Variants in STARD13 observed in about 807,000 individuals in gnomAD.
STARD13 encodes StAR related lipid transfer domain containing 13.
In STARD13, 62 loss-of-function variants were observed where a neutral mutation model predicts 106.4. The ratio of observed to expected loss-of-function variants is 0.58; its 90% CI spans 0.48 to 0.72. The LOEUF is 0.72. Among genes scored for constraint, STARD13 ranks in the 30% least tolerant of loss-of-function variants. The pLI is 0.00. For missense variants in STARD13, 1,387 were observed against 1,424.0 expected, an observed-to-expected ratio of 0.97 and a Z score of 0.42; for synonymous variants, 565 against 553.0, an observed-to-expected ratio of 1.02 and a Z score of -0.31.
At chr13:33,302,975 T>C (rs1166243671) in intron 1 of STARD13, among the ~76,000 whole-genome samples, 1 of 152,202 alleles carries the variant, frequency 6.6e-6, no homozygotes, top group African/African-American at 2.4e-5. Flanking sequence ...ATGGTAGCCT[T>C]TCTTGTTGTC....
intron 1 of STARD13, among the ~76,000 whole-genome samples, chr13:33,285,080 A>G (rs917353033): frequency 5.9e-5 from 9 of 152,180 alleles, no homozygotes; most frequent in Non-Finnish European, 1.3e-4. Flanking sequence ...CAGGGTGGAC[A>G]TTAGTCCCTC....
At chr13:33,159,842 CTAAA>C (rs1334391517) in intron 3 of STARD13, among the ~76,000 whole-genome samples, 1 of 152,010 alleles carries the variant, frequency 6.6e-6, no homozygotes, top group Non-Finnish European at 1.5e-5. Context: ...CAAAGGAGAC[CTAAA>C]TAGAGACATA....
At chr13:33,499,197 TC>T in the STARD13 span, among the ~76,000 whole-genome samples, 1 of 152,168 alleles carries the variant, frequency 6.6e-6, no homozygotes, top group South Asian at 2.1e-4. Flanking sequence ...AGAGTGAGCC[TC>T]AGAAATTATT....
At chr13:33,615,930 T>A in the STARD13 span, among the ~76,000 whole-genome samples, 1 of 152,352 alleles carries the variant, frequency 6.6e-6, no homozygotes, top group African/African-American at 2.4e-5. Flanking sequence ...TTCTTTGGAA[T>A]AATGCTTGAT....
intron 1 of STARD13, among the ~76,000 whole-genome samples, chr13:33,292,364 G>T (rs899198817): frequency 6.6e-6 from 1 of 151,698 alleles, no homozygotes; most frequent in Non-Finnish European, 1.5e-5. Context: ...AACACTTTGG[G>T]TGCATCACTT....
chr13:33,633,459 G>C, the STARD13 span, among the ~76,000 whole-genome samples: 2 of 152,188 alleles, frequency 1.3e-5, no homozygotes, highest in African/African-American at 4.8e-5. Context: ...ATCCAGTTTA[G>C]TGGATATTAA....
At chr13:33,360,658 TTCCTTCTGTGTAGACAGAAGGAA>T in the STARD13 span, among the ~76,000 whole-genome samples, 302 of 33,232 alleles carry the variant, frequency 9.1e-3, no homozygotes, top group African/African-American at 0.011. Flanking sequence ...GACAGAAGGA[TTCCTTCTGTGTAGACAGAAGGAA>T]TCCTTCTGTG....
chr13:33,389,783 T>C, the STARD13 span, among the ~76,000 whole-genome samples: 1 of 152,178 alleles, frequency 6.6e-6, no homozygotes, highest in Non-Finnish European at 1.5e-5. Flanking sequence ...CTACATTAAT[T>C]TCATCTCATT....
chr13:33,243,364 C>T (rs1331979408), intron 1 of STARD13, among the ~76,000 whole-genome samples: 1 of 152,146 alleles, frequency 6.6e-6, no homozygotes, highest in African/African-American at 2.4e-5. Flanking sequence ...AGGGAAGGCA[C>T]AGATTCCTGC....
the STARD13 span, among the ~76,000 whole-genome samples, chr13:33,388,789 C>T: frequency 6.6e-6 from 1 of 152,094 alleles, no homozygotes; most frequent in Non-Finnish European, 1.5e-5. Context: ...GTCCCAGACT[C>T]TAAGATCAAA....
the STARD13 span, among the ~76,000 whole-genome samples, chr13:33,617,215 A>T: frequency 1.3e-5 from 2 of 152,214 alleles, no homozygotes; most frequent in Admixed American, 1.3e-4. Context: ...GGCTGACTCA[A>T]TAACACTATA....
At chr13:33,601,003 A>G in the STARD13 span, among the ~76,000 whole-genome samples, 2 of 152,190 alleles carry the variant, frequency 1.3e-5, no homozygotes, top group African/African-American at 4.8e-5. Flanking sequence ...GGATCAAACG[A>G]TGGAAAATGT....
intron 1 of STARD13, among the ~76,000 whole-genome samples, chr13:33,255,112 G>A (rs948523680): frequency 3.3e-5 from 5 of 149,988 alleles, no homozygotes; most frequent in Non-Finnish European, 7.4e-5. Flanking sequence ...CCCCCCCTCA[G>A]AGGCTTGATC....
At chr13:33,587,514 A>G in the STARD13 span, among the ~76,000 whole-genome samples, 1 of 152,156 alleles carries the variant, frequency 6.6e-6, no homozygotes, top group African/African-American at 2.4e-5. Context: ...CATTCTAATC[A>G]TGGCTGGCCC....
At chr13:33,580,574 C>T in the STARD13 span, among the ~76,000 whole-genome samples, 1 of 152,112 alleles carries the variant, frequency 6.6e-6, no homozygotes, top group African/African-American at 2.4e-5. Context: ...AATATTGGCT[C>T]ATCAATTTTA....
chr13:33,174,082 C>T (rs1252030608), intron 1 of STARD13, among the ~76,000 whole-genome samples: 2 of 152,098 alleles, frequency 1.3e-5, no homozygotes, highest in Non-Finnish European at 2.9e-5. Flanking sequence ...AAAAGAAGAT[C>T]GAGCAAATTC....
the STARD13 span, chr13:33,654,887 C>G: frequency 1.3e-5 from 2 of 152,228 alleles, no homozygotes; most frequent in Admixed American, 1.3e-4. Flanking sequence ...TCAGACTTAG[C>G]TGCTTCTTGT....
chr13:33,183,587 C>A (rs1004513090), intron 1 of STARD13, among the ~76,000 whole-genome samples: 2 of 152,204 alleles, frequency 1.3e-5, no homozygotes, highest in African/African-American at 4.8e-5. Context: ...GGCTGAGTGC[C>A]AGACCCCAGC....
At chr13:33,211,909 C>T (rs1419572067) in intron 1 of STARD13, among the ~76,000 whole-genome samples, 4 of 151,882 alleles carry the variant, frequency 2.6e-5, no homozygotes, top group Non-Finnish European at 5.9e-5. Flanking sequence ...TCTATACATA[C>T]TTGTACATAT....
Sources: gnomAD v4.1 joint callset for allele counts (sites outside exome capture counted in the v4.1 genomes callset) on GRCh38, gnomAD v4.1.1 for gene constraint, MANE v1.5 for transcripts, NCBI Gene and HGNC (gene_info 2026-07-23, HGNC 2026-07-21) for gene names.